Variants in EYS observed in about 807,000 individuals in gnomAD.
EYS encodes protein eyes shut homolog.
In EYS, 250 loss-of-function variants were observed where a neutral mutation model predicts 282.1. That is an observed-to-expected ratio of 0.89 (90% CI 0.80 to 0.98). EYS has a LOEUF of 0.98. Among genes scored for constraint, EYS ranks in the 50% least tolerant of loss-of-function variants. The pLI is 0.00. For missense variants in EYS, 4,016 were observed against 3,709.0 expected, an observed-to-expected ratio of 1.08 and a Z score of -2.15; for synonymous variants, 1,355 against 1,282.9, an observed-to-expected ratio of 1.06 and a Z score of -1.20.
intron 24 of EYS, among the ~76,000 whole-genome samples, chr6:64,601,743 G>A (rs1766768130): frequency 6.6e-6 from 1 of 151,970 alleles, no homozygotes; most frequent in African/African-American, 2.4e-5. Flanking sequence ...TAGTATATAT[G>A]TCAATTGCAC....
chr6:64,821,069 C>G (rs546153040), intron 21 of EYS, among the ~76,000 whole-genome samples: 1 of 151,942 alleles, frequency 6.6e-6, no homozygotes, highest in Non-Finnish European at 1.5e-5. Context: ...CCACCAAGAA[C>G]GGTCACAATT....
chr6:64,100,723 AT>A (rs1772796725), intron 31 of EYS, among the ~76,000 whole-genome samples: 1 of 152,180 alleles, frequency 6.6e-6, no homozygotes, highest in South Asian at 2.1e-4. Flanking sequence ...CTTCAACCAC[AT>A]TTGTAAAATA....
intron 22 of EYS, among the ~76,000 whole-genome samples, chr6:64,755,306 A>T (rs2149973361): frequency 6.6e-6 from 1 of 152,228 alleles, no homozygotes; most frequent in Middle Eastern, 3.4e-3. Context: ...GACACAAGCA[A>T]ATTGAAAAAT....
chr6:65,527,979 G>C (rs974331272), intron 2 of EYS, among the ~76,000 whole-genome samples: 24 of 152,172 alleles, frequency 1.6e-4, no homozygotes, highest in African/African-American at 5.5e-4. Context: ...ATGTGAAATA[G>C]CCTAGGATCA....
chr6:64,590,024 C>T (rs1766353614), intron 26 of EYS, among the ~76,000 whole-genome samples, 199 bp downstream of exon 26: 1 of 152,092 alleles, frequency 6.6e-6, no homozygotes, highest in African/African-American at 2.4e-5. Context: ...CTGTATTGAT[C>T]TGGTAGCCTT....
chr6:65,555,366 T>C (rs951424970), intron 2 of EYS, among the ~76,000 whole-genome samples: 3 of 152,140 alleles, frequency 2.0e-5, no homozygotes, highest in African/African-American at 7.2e-5. Flanking sequence ...CCTAGAGTTT[T>C]ATTTCTTCTC....
intron 29 of EYS, among the ~76,000 whole-genome samples, chr6:64,346,508 C>T (rs1286750729): frequency 6.6e-6 from 1 of 151,206 alleles, no homozygotes; most frequent in Non-Finnish European, 1.5e-5. Flanking sequence ...ACAATGAGAA[C>T]ACATGGGTAC....
intron 12 of EYS, among the ~76,000 whole-genome samples, chr6:65,088,465 T>C (rs1206755658): frequency 6.6e-6 from 1 of 152,194 alleles, no homozygotes; most frequent in African/African-American, 2.4e-5. Context: ...CATGCTATGC[T>C]TTAGCAAAGT....
intron 29 of EYS, among the ~76,000 whole-genome samples, chr6:64,314,684 T>A (rs1769868195): frequency 6.6e-6 from 1 of 152,000 alleles, no homozygotes; most frequent in Non-Finnish European, 1.5e-5. Flanking sequence ...AGTGACTGGG[T>A]AAATAACAAA....
intron 2 of EYS, among the ~76,000 whole-genome samples, chr6:65,509,039 G>T (rs1766767337): frequency 6.6e-6 from 1 of 152,152 alleles, no homozygotes; most frequent in African/African-American, 2.4e-5. Flanking sequence ...AGTGTATTTT[G>T]TTAGATGACT....
Position 65,679,816 on chromosome 6 carries a change from T to TTG in EYS, c.-448+27317_-448+27318dup, listed in dbSNP as rs1768753554. ...TATTTATGAATTATTTGAGATCATG[T>TTG]TGTAATCTGTTATTAATCTCAAGTC... On this transcript the variant is annotated intron_variant, in intron 1 of 42. Coordinates refer to ENST00000503581, the MANE Select transcript of EYS (RefSeq NM_001142800.2). 2.6e-5 allele frequency among the ~76,000 whole-genome samples: 4 copies of TTG among 152,000 alleles called. No homozygotes were observed. In the South Asian group the frequency reaches 8.3e-4, roughly 31 times the overall value.
At position 63,864,203 on chromosome 6, in the gene EYS, C is replaced by G; in HGVS notation, c.7211G>C (p.Gly2404Ala). The change falls in exon 36 of 43, where the codon GGA (glycine) becomes GCA (alanine). Residue 2404 changes from glycine (G) to alanine (A), a missense_variant. By Grantham distance (60) the Gly-to-Ala change is moderately conservative. Transcript: ENST00000503581. Reference protein sequence around the residue: ...IVCLCPYGRSGPLCTDAINIT... With the variant: ...IVCLCPYGRSAPLCTDAINIT... Reference sequence around the variant, plus strand: ...GCTCTTACCATCAGTGCAGAGGGGTCCAGACCTCCCATATGGGCAGAGGCA... The same window carrying G: ...GCTCTTACCATCAGTGCAGAGGGGTGCAGACCTCCCATATGGGCAGAGGCA... 6.5e-7 allele frequency: 1 copy of G among 1,541,604 alleles called. No homozygotes were observed. Among genetic ancestry groups the G allele is most frequent in the Non-Finnish European group, 8.8e-7 (1 of 1,140,772 alleles).
At chr6:64,578,007 C>T (rs1412895966) in intron 26 of EYS, among the ~76,000 whole-genome samples, 1 of 152,060 alleles carries the variant, frequency 6.6e-6, no homozygotes, top group Non-Finnish European at 1.5e-5. Flanking sequence ...TATCCAGAAT[C>T]TGACCATTTC....
chr6:64,461,508 G>T (rs995661135), intron 26 of EYS, among the ~76,000 whole-genome samples: 1 of 152,188 alleles, frequency 6.6e-6, no homozygotes, highest in African/African-American at 2.4e-5. Context: ...TATGGTAACA[G>T]TCTGGTGGTG....
intron 35 of EYS, among the ~76,000 whole-genome samples, chr6:63,901,942 G>T (rs1194196357): frequency 1.3e-5 from 2 of 151,988 alleles, no homozygotes; most frequent in African/African-American, 2.4e-5. Context: ...GCCCAGGTTG[G>T]AGTGCAGTGG....
At chr6:64,843,202 C>A (rs1042438208) in intron 19 of EYS, among the ~76,000 whole-genome samples, 2 of 152,130 alleles carry the variant, frequency 1.3e-5, no homozygotes, top group Non-Finnish European at 2.9e-5. Flanking sequence ...TCAGAGAGAA[C>A]CTCTGCTAGG....
intron 33 of EYS, among the ~76,000 whole-genome samples, chr6:64,050,122 C>A (rs1332929527): frequency 6.6e-6 from 1 of 152,160 alleles, no homozygotes; most frequent in Non-Finnish European, 1.5e-5. Flanking sequence ...ATTCACCCTG[C>A]CTTCTTTCTT....
intron 5 of EYS, among the ~76,000 whole-genome samples, chr6:65,432,436 T>C (rs1020629435): frequency 6.6e-6 from 1 of 152,118 alleles, no homozygotes; most frequent in African/African-American, 2.4e-5. Context: ...ATAATTTAGA[T>C]GCAGACGAGT....
intron 30 of EYS, among the ~76,000 whole-genome samples, chr6:64,291,007 T>C (rs190522040): frequency 0.01 from 151 of 14,828 alleles, 16 homozygotes; most frequent in African/African-American, 0.058. Flanking sequence ...AAAGTATCAA[T>C]GGCTGGCAAC....
Sources: gnomAD v4.1 joint callset for allele counts (sites outside exome capture counted in the v4.1 genomes callset) on GRCh38, gnomAD v4.1.1 for gene constraint, MANE v1.5 for transcripts, NCBI Gene and HGNC (gene_info 2026-07-23, HGNC 2026-07-21) for gene names.